The following PTPRD variants were observed in gnomAD, a reference collection of about 807,000 sequenced individuals.
PTPRD encodes receptor-type tyrosine-protein phosphatase delta.
In PTPRD, 34 loss-of-function variants were observed where a neutral mutation model predicts 214.5. The ratio of observed to expected loss-of-function variants is 0.16; its 90% CI spans 0.12 to 0.21. The LOEUF is 0.21. Ranked by LOEUF, PTPRD falls within the 10% of genes least tolerant of loss-of-function variation. The pLI is 1.00. For synonymous variants in PTPRD, 1,128 were observed against 845.7 expected (o/e 1.33, Z -5.79); for missense variants, 2,545 against 2,398.7 (o/e 1.06, Z -1.27).
intron 5 of PTPRD, among the ~76,000 whole-genome samples, chr9:9,823,083 A>C (rs1296509082): frequency 1.3e-5 from 2 of 152,158 alleles, no homozygotes; most frequent in Non-Finnish European, 2.9e-5. Context: ...CCATCAATGG[A>C]TGGACAGATA....
intron 7 of PTPRD, among the ~76,000 whole-genome samples, chr9:9,711,774 T>C (rs1235827037): frequency 6.6e-6 from 1 of 152,184 alleles, no homozygotes; most frequent in Non-Finnish European, 1.5e-5. Context: ...TAAATGTCAA[T>C]AGTGCAGAGA....
intron 9 of PTPRD, among the ~76,000 whole-genome samples, chr9:9,300,891 T>C (rs1014672322): frequency 1.3e-5 from 2 of 151,912 alleles, no homozygotes; most frequent in Non-Finnish European, 2.9e-5. Flanking sequence ...TTTACGCATA[T>C]TGTTATTTAT....
chr9:8,970,943 A>T (rs1183385856), intron 11 of PTPRD, among the ~76,000 whole-genome samples: 2 of 151,442 alleles, frequency 1.3e-5, no homozygotes, highest in Non-Finnish European at 3.0e-5. Context: ...CAAACAAAAA[A>T]CACAGAATTA....
At chr9:8,695,053 C>T (rs2097882003) in intron 12 of PTPRD, among the ~76,000 whole-genome samples, 1 of 152,156 alleles carries the variant, frequency 6.6e-6, no homozygotes, top group African/African-American at 2.4e-5. Flanking sequence ...AGCTCAATCG[C>T]TCAGTCTTTT....
intron 9 of PTPRD, among the ~76,000 whole-genome samples, chr9:9,277,415 T>A (rs1013648735): frequency 6.6e-6 from 1 of 151,358 alleles, no homozygotes; most frequent in African/African-American, 2.4e-5. Flanking sequence ...AAGAAATGGA[T>A]AATCACAATT....
chr9:9,439,678 CA>C (rs2086741384), intron 8 of PTPRD, among the ~76,000 whole-genome samples: 3 of 152,118 alleles, frequency 2.0e-5, no homozygotes, highest in African/African-American at 7.2e-5. Context: ...TCAAGTTTGG[CA>C]AAGGGCTATT....
chr9:8,489,313 G>A (rs749593106), intron 27 of PTPRD, among the ~76,000 whole-genome samples: 1 of 152,116 alleles, frequency 6.6e-6, no homozygotes, highest in African/African-American at 2.4e-5. Context: ...TGTTGGCTAG[G>A]AATCACGAGA....
chr9:10,543,719 T>C (rs1414285367), intron 2 of PTPRD, among the ~76,000 whole-genome samples: 1 of 152,218 alleles, frequency 6.6e-6, no homozygotes, highest in Non-Finnish European at 1.5e-5. Context: ...TGCCAAGGGA[T>C]AGAGATGGTT....
intron 3 of PTPRD, among the ~76,000 whole-genome samples, chr9:10,315,139 C>A (rs569000955): frequency 1.3e-5 from 2 of 151,808 alleles, no homozygotes; most frequent in African/African-American, 4.8e-5. Context: ...AATTATGATT[C>A]ATTTTTTATA....
intron 8 of PTPRD, among the ~76,000 whole-genome samples, chr9:9,570,874 T>C (rs978212684): frequency 6.6e-6 from 1 of 151,534 alleles, no homozygotes; most frequent in African/African-American, 2.4e-5. Context: ...TAAAATTCCA[T>C]CTTTAGTTTC....
At chr9:8,929,911 G>GTGTATATACATGTT (rs2098939141) in intron 11 of PTPRD, among the ~76,000 whole-genome samples, 1 of 42,532 alleles carries the variant, frequency 2.4e-5, no homozygotes, top group African/African-American at 5.2e-5. Context: ...GTATATATAT[G>GTGTATATACATGTT]TGTGTGTATA....
At chr9:8,974,222 G>C (rs934502226) in intron 11 of PTPRD, among the ~76,000 whole-genome samples, 2 of 151,890 alleles carry the variant, frequency 1.3e-5, no homozygotes, top group African/African-American at 2.4e-5. Flanking sequence ...GTTAATTTTT[G>C]TACGTAGTGA....
chr9:8,828,885 A>C (rs1474746467), intron 11 of PTPRD, among the ~76,000 whole-genome samples: 12 of 152,158 alleles, frequency 7.9e-5, no homozygotes, highest in Non-Finnish European at 1.5e-5. Context: ...TATTATTTTA[A>C]AATAACTTAG....
At chr9:10,443,598 C>T (rs1410272896) in intron 2 of PTPRD, among the ~76,000 whole-genome samples, 1 of 151,654 alleles carries the variant, frequency 6.6e-6, no homozygotes, top group African/African-American at 2.4e-5. Context: ...TGTTACATTA[C>T]TTGATGCCTC....
intron 3 of PTPRD, among the ~76,000 whole-genome samples, chr9:10,326,885 A>G (rs2096652324): frequency 6.6e-6 from 1 of 151,594 alleles, no homozygotes; most frequent in Admixed American, 6.6e-5. Context: ...CTTTAAGGCA[A>G]TGTGCATTCT....
intron 37 of PTPRD, among the ~76,000 whole-genome samples, chr9:8,379,939 G>C (rs957522090): frequency 3.9e-5 from 6 of 152,086 alleles, no homozygotes; most frequent in Non-Finnish European, 8.8e-5. Context: ...TCTGTGAAAT[G>C]GGAACAGTGT....
At chr9:9,181,811 C>A (rs1359385881) in intron 10 of PTPRD, among the ~76,000 whole-genome samples, 1 of 151,872 alleles carries the variant, frequency 6.6e-6, no homozygotes, top group East Asian at 1.9e-4. Context: ...AGCACTAGAT[C>A]AGACAGAAAT....
intron 9 of PTPRD, among the ~76,000 whole-genome samples, chr9:9,243,732 G>C (rs1451572080): frequency 2.6e-5 from 4 of 152,158 alleles, no homozygotes; most frequent in East Asian, 1.9e-4. Flanking sequence ...ACTGGCACAA[G>C]ACAGGGATGC....
At chr9:10,406,065 A>C (rs908062925) in intron 2 of PTPRD, among the ~76,000 whole-genome samples, 2 of 151,352 alleles carry the variant, frequency 1.3e-5, no homozygotes, top group Non-Finnish European at 3.0e-5. Context: ...GAAATAGAAG[A>C]TATATTCTAA....
Sources: gnomAD v4.1 joint callset for allele counts (sites outside exome capture counted in the v4.1 genomes callset) on GRCh38, gnomAD v4.1.1 for gene constraint, MANE v1.5 for transcripts, NCBI Gene and HGNC (gene_info 2026-07-23, HGNC 2026-07-21) for gene names.